The following DMXL1 variants were observed in gnomAD, a reference collection of about 807,000 sequenced individuals.
The protein encoded by DMXL1 is dmX-like protein 1.
Under a neutral mutation model 319.2 loss-of-function variants are expected in DMXL1, and 99 were observed. The ratio of observed to expected loss-of-function variants is 0.31; its 90% CI spans 0.26 to 0.37. The LOEUF (loss-of-function observed/expected upper bound fraction) is 0.37. Among genes scored for constraint, DMXL1 ranks in the 10% least tolerant of loss-of-function variants. The pLI is 1.00. For synonymous variants in DMXL1, 1,385 were observed against 1,235.2 expected (o/e 1.12, Z -2.54); for missense variants, 3,745 against 3,595.6 (o/e 1.04, Z -1.06).
chr5:119,242,375 G>A (rs966424695), intron 42 of DMXL1, among the ~76,000 whole-genome samples: 2 of 152,072 alleles, frequency 1.3e-5, no homozygotes, highest in Admixed American at 6.5e-5. Context: ...ATTTACAATA[G>A]CACCCAAAAC....
intron 1 of DMXL1, among the ~76,000 whole-genome samples, chr5:119,073,330 A>G (rs1478431422): frequency 1.3e-5 from 2 of 152,168 alleles, no homozygotes; most frequent in Non-Finnish European, 1.5e-5. Flanking sequence ...CCAAAATGCT[A>G]GGATTAGAGG....
Position 119,170,330 on chromosome 5 carries a change from G to T in DMXL1, c.5539G>T (p.Ala1847Ser), listed in dbSNP as rs754269198. ...GAGCCTAACAGGAAAAAGTGGACTG[G>T]CAGGAACAATTAATTTAAGTGAAAG... ...HMSLTGKSGL[A>S]GTINLSERRL... The change falls in exon 24 of 44, where the codon GCA (alanine) becomes TCA (serine). Residue 1847 changes from alanine to serine, a missense_variant. Physicochemically the swap from Ala to Ser is moderately conservative, Grantham distance 99. Transcript: ENST00000539542. 6 of 1,613,962 alleles carry T rather than the reference G, an allele frequency of 3.7e-6. No homozygotes were observed. The South Asian group carries it at 5.5e-5, about 15-fold the overall frequency.
In DMXL1 at chr5:119,171,157, G is replaced by T; in HGVS notation, c.6366G>T (p.Trp2122Cys). 6.8e-6 allele frequency: 11 copies of T among 1,613,970 alleles called. No individual in the cohort carries two copies. Among genetic ancestry groups the T allele is most frequent in the Non-Finnish European group, 9.3e-6 (11 of 1,179,898 alleles). ...LRENFQEKRQ[W>C]LLKYQSLLRM... ...AAAATTTTCAGGAAAAAAGACAGTG[G>T]CTCTTGAAGTATCAGTCACTTTTGA... The change falls in exon 24 of 44, where the codon TGG becomes TGT. Residue 2122 changes from tryptophan (W) to cysteine (C), a missense_variant. By Grantham distance (215) the Trp-to-Cys change is radical. Coordinates refer to ENST00000539542, the MANE Select transcript of DMXL1 (RefSeq NM_001290321.3).
chr5:119,095,330 ATTAG>A (rs1468072233), intron 1 of DMXL1, among the ~76,000 whole-genome samples: 2 of 152,236 alleles, frequency 1.3e-5, no homozygotes, highest in Non-Finnish European at 2.9e-5. Flanking sequence ...GGTAATTGTT[ATTAG>A]TTGGTATTTT....
At position 119,101,971 on chromosome 5, in the gene DMXL1, G is replaced by T; in HGVS notation, c.250G>T (p.Glu84Ter). 1 of 1,604,838 alleles carries T rather than the reference G, an allele frequency of 6.2e-7. No individual in the cohort carries two copies. The highest frequency in any genetic ancestry group is 8.5e-7 in the Non-Finnish European group (1 of 1,176,002). ...ASYGNVISIF[E>*]PVNLPKQKKN... ...TTATGGAAATGTTATCTCCATTTTTGAACCAGTTAACCTACCAAAACAAAA... is the reference window on the plus strand; with the variant it reads ...TTATGGAAATGTTATCTCCATTTTTTAACCAGTTAACCTACCAAAACAAAA... The change falls in exon 3 of 44, where the codon GAA becomes TAA. Residue 84 changes from glutamate (E) to a stop codon, truncating the protein, a stop_gained. Coordinates refer to ENST00000539542, the MANE Select transcript of DMXL1 (RefSeq NM_001290321.3). LOFTEE classifies it high-confidence loss of function.
At chr5:119,190,297 T>C (rs1251409381) in intron 29 of DMXL1, among the ~76,000 whole-genome samples, 3 of 152,244 alleles carry the variant, frequency 2.0e-5, no homozygotes, top group African/African-American at 7.2e-5. Context: ...CAATTACCAG[T>C]GTTAAGTAAC....
intron 29 of DMXL1, among the ~76,000 whole-genome samples, chr5:119,190,406 A>T (rs756201994): frequency 1.3e-5 from 2 of 152,202 alleles, no homozygotes; most frequent in Non-Finnish European, 2.9e-5. Context: ...CACTTCGTAA[A>T]TGTGCACTTT....
chr5:119,141,814 G>A (rs146370193), intron 13 of DMXL1, among the ~76,000 whole-genome samples: 2 of 151,888 alleles, frequency 1.3e-5, no homozygotes, highest in Non-Finnish European at 2.9e-5. Flanking sequence ...CAAGGCAATC[G>A]TAAAAAAAAG....
chr5:119,216,094 CAAAAAAAAAAAAAAAA>C (rs773591355), intron 34 of DMXL1, among the ~76,000 whole-genome samples: 5 of 37,352 alleles, frequency 1.3e-4, no homozygotes, highest in Admixed American at 5.2e-4. Flanking sequence ...GCATCCATCT[CAAAAAAAAAAAAAAAA>C]AAAAAAAAAA....
At chr5:119,083,174 C>A (rs953865270) in intron 1 of DMXL1, among the ~76,000 whole-genome samples, 2 of 152,076 alleles carry the variant, frequency 1.3e-5, no homozygotes, top group Non-Finnish European at 2.9e-5. Flanking sequence ...CCATGCCTGG[C>A]TAATTTTGTA....
At chr5:119,177,197 A>G (rs897776622) in intron 26 of DMXL1, among the ~76,000 whole-genome samples, 160 bp from the exon 27 acceptor site, 1 of 152,130 alleles carries the variant, frequency 6.6e-6, no homozygotes, top group African/African-American at 2.4e-5. Flanking sequence ...CACTTAAAGG[A>G]TACTTTGTTT....
At position 119,244,530 on chromosome 5, in the gene DMXL1, C is replaced by T. The variant is rs1347024448; in HGVS notation, c.8876C>T (p.Pro2959Leu). The change falls in exon 43 of 44, where the codon CCA becomes CTA. Residue 2959 changes from proline (P) to leucine (L), a missense_variant. Physicochemically the swap from Pro to Leu is moderately conservative, Grantham distance 98. This residue lies in a region of DMXL1 where 262 missense variants were observed against 320.5 expected (regional missense o/e 0.82). Coordinates refer to ENST00000539542, the MANE Select transcript of DMXL1 (RefSeq NM_001290321.3). ...CCTGTTAAAGCCGTTGCTGTTGATC[C>T]AACTGAAGAGTACTTTGTTACAGGA... ...DSPVKAVAVD[P>L]TEEYFVTGSA... The T allele has an allele frequency of 1.2e-6, 2 of 1,614,076 alleles. No individual in the cohort carries two copies. The highest frequency in any genetic ancestry group is 1.1e-5 in the South Asian group (1 of 91,064).
At chr5:119,119,204 C>G (rs1180596958) in intron 8 of DMXL1, among the ~76,000 whole-genome samples, 200 bp downstream of exon 8, 1 of 152,122 alleles carries the variant, frequency 6.6e-6, no homozygotes, top group African/African-American at 2.4e-5. Flanking sequence ...TATGAAGTTA[C>G]TCTTAGGTTT....
At chr5:119,111,966 A>AC (rs1759711539) in intron 5 of DMXL1, among the ~76,000 whole-genome samples, 1 of 147,970 alleles carries the variant, frequency 6.8e-6, no homozygotes, top group East Asian at 2.0e-4. Flanking sequence ...TATTATCTTT[A>AC]TTTTTTTTTT....
At chr5:119,128,877 A>G (rs555844734) in intron 9 of DMXL1, among the ~76,000 whole-genome samples, 3 of 152,286 alleles carry the variant, frequency 2.0e-5, no homozygotes, top group Non-Finnish European at 4.4e-5. Flanking sequence ...CATCTTGGCC[A>G]GCGTGGTGAA....
At chr5:119,120,718 T>G (rs137967698) in intron 8 of DMXL1, among the ~76,000 whole-genome samples, 10 of 152,336 alleles carry the variant, frequency 6.6e-5, no homozygotes, top group Non-Finnish European at 1.3e-4. Context: ...TAATAAAAAT[T>G]GCAAAACACT....
chr5:119,148,718 A>G (rs1393185707), intron 17 of DMXL1, 21 bp from the exon 18 acceptor site: 1 of 1,584,826 alleles, frequency 6.3e-7, no homozygotes, highest in Non-Finnish European at 8.6e-7. Flanking sequence ...ACATTTTGTT[A>G]ACGGATTATT....
intron 42 of DMXL1, among the ~76,000 whole-genome samples, chr5:119,242,328 A>G (rs769508673): frequency 3.9e-5 from 6 of 152,238 alleles, no homozygotes; most frequent in Non-Finnish European, 8.8e-5. Context: ...TGCATCAACA[A>G]TGAACAATTG....
Position 119,221,020 on chromosome 5 carries a change from C to T in DMXL1, c.8216C>T (p.Pro2739Leu), listed in dbSNP as rs1439287126. 2 of 1,613,844 alleles carry T rather than the reference C, an allele frequency of 1.2e-6. No homozygotes were observed. The highest frequency in any genetic ancestry group is 1.7e-6 in the Non-Finnish European group (2 of 1,179,854). Residue 2739 changes from proline to leucine, a missense_variant, in exon 37 of 44, where the codon CCT becomes CTT. Physicochemically the swap from Pro to Leu is moderately conservative, Grantham distance 98. Around this residue, in one of 4 missense-constraint regions of DMXL1, gnomAD observed 1,382 missense variants for 1,269.5 expected, o/e 1.09. Transcript: ENST00000539542. Reference protein sequence around the residue: ...QGTTPYTHSNPGTPINMPWLG... With the variant: ...QGTTPYTHSNLGTPINMPWLG... ...ACAACTCCATATACACATAGCAATC[C>T]TGGCACTCCAATCAACATGCCATGG... is the stretch of plus-strand genomic sequence containing the variant.
Sources: gnomAD v4.1 joint callset for allele counts (sites outside exome capture counted in the v4.1 genomes callset) on GRCh38, gnomAD v4.1.1 for gene constraint, gnomAD v4.1.1 regional missense constraint, MANE v1.5 for transcripts, NCBI Gene and HGNC (gene_info 2026-07-23, HGNC 2026-07-21) for gene names.